The following TMEM182 variants were observed in gnomAD, a reference collection of about 807,000 sequenced individuals.
The protein encoded by TMEM182 is transmembrane protein 182.
A neutral mutation model predicts 26.8 loss-of-function variants in TMEM182; 20 were observed. The ratio of observed to expected loss-of-function variants is 0.75; its 90% CI spans 0.53 to 1.09. The LOEUF is 1.09. TMEM182 is among the 50% of genes least tolerant of loss of function. The probability of loss-of-function intolerance (pLI) is 0.00; values close to 1 mark genes in which losing one functional copy is unlikely to be tolerated. For synonymous variants in TMEM182, 109 were observed against 102.2 expected, an observed-to-expected ratio of 1.07 and a Z score of -0.40; for missense variants, 277 against 275.5, an observed-to-expected ratio of 1.01 and a Z score of -0.04.
intron 3 of TMEM182, among the ~76,000 whole-genome samples, chr2:102,830,979 C>T (rs768959735): frequency 2.0e-5 from 3 of 152,130 alleles, no homozygotes; most frequent in Non-Finnish European, 2.9e-5. Context: ...CTGTGCCTGG[C>T]TTATTTCACT....
At chr2:102,782,487 G>A (rs1681213739) in intron 3 of TMEM182, among the ~76,000 whole-genome samples, 1 of 151,590 alleles carries the variant, frequency 6.6e-6, no homozygotes, top group Non-Finnish European at 1.5e-5. Flanking sequence ...AAACATATAT[G>A]GGGCTCATAT....
At chr2:102,782,312 G>T (rs1295828765) in intron 3 of TMEM182, among the ~76,000 whole-genome samples, 1 of 148,516 alleles carries the variant, frequency 6.7e-6, no homozygotes, top group Non-Finnish European at 1.5e-5. Flanking sequence ...GGTGACAAGA[G>T]TAAAACTCCA....
At chr2:102,768,535 A>C (rs1680546496) in intron 3 of TMEM182, among the ~76,000 whole-genome samples, 1 of 141,064 alleles carries the variant, frequency 7.1e-6, no homozygotes, top group South Asian at 2.4e-4. Flanking sequence ...AAAAAAAAAA[A>C]AACACACACA....
At chr2:102,785,595 C>A (rs1377306803) in intron 3 of TMEM182, among the ~76,000 whole-genome samples, 1 of 152,106 alleles carries the variant, frequency 6.6e-6, no homozygotes, top group Non-Finnish European at 1.5e-5. Flanking sequence ...TAGTTGTTAA[C>A]CACTCCTTTT....
chr2:102,821,344 T>C (rs1682911382), downstream of TMEM182, among the ~76,000 whole-genome samples: 1 of 152,140 alleles, frequency 6.6e-6, no homozygotes, highest in African/African-American at 2.4e-5. Context: ...GTTTGGGTCA[T>C]GAGGGTGGAT....
At chr2:102,737,529 G>A (rs753295581) in intron 1 of TMEM182, among the ~76,000 whole-genome samples, 2 of 152,206 alleles carry the variant, frequency 1.3e-5, no homozygotes, top group African/African-American at 2.4e-5. Flanking sequence ...AATGAGGTGG[G>A]GAGTGAGCTA....
chr2:102,786,622 C>T (rs918513145), intron 3 of TMEM182, among the ~76,000 whole-genome samples: 2 of 152,190 alleles, frequency 1.3e-5, no homozygotes, highest in Non-Finnish European at 2.9e-5. Flanking sequence ...GATAAAGATT[C>T]TCCAGTGATT....
Position 102,816,296 on chromosome 2 carries a change from C to T in TMEM182, c.*1328C>T. The T allele has an allele frequency of 2.3e-5, 23 of 985,226 alleles. No homozygotes were observed. Among genetic ancestry groups the T allele is most frequent in the Non-Finnish European group, 2.8e-5 (23 of 829,910 alleles). The allele number at this position is 985,226 out of a possible 1,614,324, so 61.0% of individuals were successfully genotyped here. ...TGCAGCTGTTGTGAGGACAGAGAGG[C>T]ATGGCCCACAGGCAAAAAAAGTCAC... On this transcript the variant is annotated 3_prime_UTR_variant, in exon 5 of 5. Coordinates refer to ENST00000412401, the MANE Select transcript of TMEM182 (RefSeq NM_144632.5).
chr2:102,753,488 A>G (rs1432540153), intron 1 of TMEM182, among the ~76,000 whole-genome samples: 1 of 152,172 alleles, frequency 6.6e-6, no homozygotes. Flanking sequence ...GCTATTCGGC[A>G]TCAAATAATG....
At chr2:102,737,041 A>G in intron 1 of TMEM182, 1 of 534,844 alleles carries the variant, frequency 1.9e-6, no homozygotes. Flanking sequence ...TGTGATGATA[A>G]TGATGATGCT....
At chr2:102,745,167 T>G (rs1023269174) in intron 1 of TMEM182, among the ~76,000 whole-genome samples, 12 of 152,020 alleles carry the variant, frequency 7.9e-5, no homozygotes, top group Non-Finnish European at 1.6e-4. Flanking sequence ...GATCTGTGTT[T>G]ACGTTCACCA....
At chr2:102,841,136 A>T (rs918838205) in intron 3 of TMEM182, among the ~76,000 whole-genome samples, 1 of 151,844 alleles carries the variant, frequency 6.6e-6, no homozygotes, top group African/African-American at 2.4e-5. Context: ...CGGATCGGGG[A>T]GCTGGAGTGG....
chr2:102,826,616 G>A (rs1387480200), intron 3 of TMEM182, among the ~76,000 whole-genome samples: 2 of 152,092 alleles, frequency 1.3e-5, no homozygotes, highest in Non-Finnish European at 2.9e-5. Flanking sequence ...GCCGTACCAT[G>A]TTTTTAGGGC....
At chr2:102,827,026 G>A (rs985378289) in intron 3 of TMEM182, among the ~76,000 whole-genome samples, 1 of 152,114 alleles carries the variant, frequency 6.6e-6, no homozygotes, top group Non-Finnish European at 1.5e-5. Flanking sequence ...AGCTTTACTT[G>A]CCCTTGTCTT....
Position 102,762,692 on chromosome 2 carries a change from T to C in TMEM182, c.232+6T>C. The C allele has an allele frequency of 6.2e-7, 1 of 1,608,412 alleles. No homozygotes were observed. The highest frequency in any genetic ancestry group is 8.5e-7 in the Non-Finnish European group (1 of 1,175,882). ...TATTTGGAAGTTCTGGTACAGTAAG[T>C]ACAATTTAGCTTTATTTTCCCTCTT... On this transcript the variant is annotated splice_donor_region_variant and intron_variant, in intron 2 of 4. Transcript: ENST00000412401.
At chr2:102,805,759 T>C (rs1682321044) in intron 4 of TMEM182, among the ~76,000 whole-genome samples, 2 of 152,114 alleles carry the variant, frequency 1.3e-5, no homozygotes, top group South Asian at 4.1e-4. Context: ...AGATTATTTC[T>C]CTGAACCGAG....
chr2:102,785,127 C>G (rs1681335275), intron 3 of TMEM182, among the ~76,000 whole-genome samples: 1 of 152,120 alleles, frequency 6.6e-6, no homozygotes, highest in South Asian at 2.1e-4. Flanking sequence ...ATAAAAGGAC[C>G]AGTATGACGT....
At chr2:102,802,838 T>C (rs1184525592) in intron 4 of TMEM182, among the ~76,000 whole-genome samples, 2 of 152,200 alleles carry the variant, frequency 1.3e-5, no homozygotes, top group African/African-American at 4.8e-5. Context: ...CCATAAAATT[T>C]GATATCTTAC....
intron 3 of TMEM182, among the ~76,000 whole-genome samples, chr2:102,831,519 G>A (rs1214967912): frequency 6.6e-6 from 1 of 152,188 alleles, no homozygotes; most frequent in Non-Finnish European, 1.5e-5. Context: ...CACTTTGGGA[G>A]GCTGAGGTGG....
Sources: allele counts gnomAD v4.1 joint callset (sites outside exome capture counted in the v4.1 genomes callset), GRCh38; gene constraint gnomAD v4.1.1; transcripts MANE v1.5; gene names NCBI Gene and HGNC (gene_info 2026-07-23, HGNC 2026-07-21).